Variants in GOLT1B observed in about 807,000 individuals in gnomAD.
GOLT1B encodes vesicle transport protein GOT1B.
In GOLT1B, 3 loss-of-function variants were observed where a neutral mutation model predicts 15.4. The observed-to-expected ratio is 0.19, with a 90% CI of 0.09 to 0.50. The LOEUF is 0.50. Ranked by LOEUF, GOLT1B falls within the 20% of genes least tolerant of loss-of-function variation. GOLT1B has a pLI of 0.97. For missense variants in GOLT1B, 145 were observed against 160.4 expected, an observed-to-expected ratio of 0.90 and a Z score of 0.52; for synonymous variants, 65 against 56.2, an observed-to-expected ratio of 1.16 and a Z score of -0.70.
chr12:21,517,233 A>C lies in GOLT1B; in HGVS notation c.*1526A>C, dbSNP rs1433082479. 1 of 152,438 alleles carries C rather than the reference A, an allele frequency of 6.6e-6. No homozygotes were observed. Among genetic ancestry groups the C allele is most frequent in the African/African-American group, 2.4e-5 (1 of 41,434 alleles). The allele number at this position is 152,438 out of a possible 1,614,324, so 9.4% of individuals were successfully genotyped here. A position where few individuals can be genotyped will look rare whatever the true frequency, so the allele number is the denominator to read the frequency against. ...ATCTTGCTCATCTAAATAAGGAAAG[A>C]CTTGGTGTATAGTGTGATGGTTTAG... On this transcript the variant is annotated 3_prime_UTR_variant, in exon 5 of 5. Transcript: ENST00000229314.
At chr12:21,502,202 C>T (rs887751409) in intron 1 of GOLT1B, among the ~76,000 whole-genome samples, 2 of 152,126 alleles carry the variant, frequency 1.3e-5, no homozygotes, top group African/African-American at 4.8e-5. Context: ...GAGCTTTAGC[C>T]CAGAGTCTGT....
intron 4 of GOLT1B, among the ~76,000 whole-genome samples, 161 bp from the exon 5 acceptor site, chr12:21,515,508 T>G (rs376149932): frequency 4.6e-5 from 7 of 152,144 alleles, no homozygotes; most frequent in African/African-American, 1.4e-4. Flanking sequence ...TATCAGAAGA[T>G]GATGGTGAGT....
chr12:21,511,642 AG>A (rs1943720886), intron 3 of GOLT1B, among the ~76,000 whole-genome samples: 1 of 152,252 alleles, frequency 6.6e-6, no homozygotes, highest in Non-Finnish European at 1.5e-5. Context: ...ATCACCTTGT[AG>A]AGACTCTTAA....
At chr12:21,507,421 GTTGT>G (rs1320813257) in intron 2 of GOLT1B, 2 of 212,574 alleles carry the variant, frequency 9.4e-6, no homozygotes, top group Admixed American at 5.5e-5. Context: ...AGGGATCTAT[GTTGT>G]TTATTTGGAA....
At chr12:21,515,224 CTGTT>C (rs1275955511) in intron 4 of GOLT1B, 1 of 1,389,972 alleles carries the variant, frequency 7.2e-7, no homozygotes, top group Non-Finnish European at 9.8e-7. Context: ...GGAGTTAAAT[CTGTT>C]TGTCCAAAGA....
rs1001647251 is a variant in GOLT1B at position 21,515,901 on chromosome 12, TAAG to T, written c.*201_*203del. The T allele has an allele frequency of 8.4e-5, 38 of 453,256 alleles. No individual in the cohort carries two copies. Among genetic ancestry groups the T allele is most frequent in the Non-Finnish European group, 1.1e-4 (29 of 260,666 alleles). The allele number at this position is 453,256 out of a possible 1,614,324, so 28.1% of individuals were successfully genotyped here. ...AAAACAGGCTTCTACTCAAGTGAAC[TAAG>T]AAGAAGTCAGCAAGCAAACTGAGAG... On this transcript the variant is annotated 3_prime_UTR_variant, in exon 5 of 5. Transcript: ENST00000229314.
chr12:21,511,272 A>G (rs2080103), intron 3 of GOLT1B, among the ~76,000 whole-genome samples: 4,117 of 152,244 alleles, frequency 0.027, 68 homozygotes, highest in Middle Eastern at 0.048. Flanking sequence ...AAAGGATATT[A>G]CAAAGGATAC....
intron 1 of GOLT1B, among the ~76,000 whole-genome samples, chr12:21,506,336 A>G (rs1943678469): frequency 1.3e-5 from 2 of 152,000 alleles, no homozygotes; most frequent in African/African-American, 4.8e-5. Flanking sequence ...TGGTACCATG[A>G]TTTTCGAAAT....
At chr12:21,504,877 C>T (rs1332193610) in intron 1 of GOLT1B, among the ~76,000 whole-genome samples, 1 of 152,126 alleles carries the variant, frequency 6.6e-6, no homozygotes, top group Non-Finnish European at 1.5e-5. Flanking sequence ...CTAAAAGATG[C>T]GTCCCCCAGA....
Position 21,508,407 on chromosome 12 carries a change from T to C in GOLT1B, c.142T>C (p.Phe48Leu). 6.3e-7 allele frequency: 1 copy of C among 1,578,542 alleles called. No individual in the cohort carries two copies. Among genetic ancestry groups the C allele is most frequent in the Non-Finnish European group, 8.6e-7 (1 of 1,163,614 alleles). The change falls in exon 3 of 5, where the codon TTT becomes CTT. Residue 48 changes from phenylalanine (F) to leucine (L), a missense_variant. Transcript: ENST00000229314. ...GGTTTTATTTGTAGCCGGCTTGGCT[T>C]TTGTAATTGGTTTAGAAAGAACATT... ...GNVLFVAGLAFVIGLERTFRF... is the reference protein window; with the variant it reads ...GNVLFVAGLALVIGLERTFRF...
intron 1 of GOLT1B, chr12:21,504,611 A>C: frequency 2.0e-6 from 1 of 504,732 alleles, no homozygotes; most frequent in South Asian, 1.5e-5. Flanking sequence ...ACCAGCACCC[A>C]CACACACATT....
chr12:21,501,832 C>A lies in GOLT1B; in HGVS notation c.-92C>A. 1.1e-6 allele frequency: 1 copy of A among 886,438 alleles called. No individual in the cohort carries two copies. Among genetic ancestry groups the A allele is most frequent in the Non-Finnish European group, 1.9e-6 (1 of 532,886 alleles). The allele number at this position is 886,438 out of a possible 1,614,324, so 54.9% of individuals were successfully genotyped here. A position where few individuals can be genotyped will look rare whatever the true frequency, so the allele number is the denominator to read the frequency against. The stretch of plus-strand genomic sequence containing the variant: ...TTTCCGGAAGACGTGGCGGCTCTCG[C>A]CTGGGCTGTTTCCCGGCTTCATTTC... On this transcript the variant is annotated 5_prime_UTR_variant, in exon 1 of 5. Coordinates refer to ENST00000229314, the MANE Select transcript of GOLT1B (RefSeq NM_016072.5).
Position 21,512,314 on chromosome 12 carries a change from G to T in GOLT1B, c.316G>T (p.Val106Phe), listed in dbSNP as rs1401468123. 1 of 1,567,414 alleles carries T rather than the reference G, an allele frequency of 6.4e-7. No individual in the cohort carries two copies. Among genetic ancestry groups the T allele is most frequent in the South Asian group, 1.1e-5 (1 of 89,508 alleles). The stretch of plus-strand genomic sequence containing the variant: ...TCCCAGGGGCTTCTTTCCTGTCGTT[G>T]TTGGCTTTATTAGAAGAGTGCCAGT... ...LLFRGFFPVV[V>F]GFIRRVPVLG... Residue 106 changes from valine (V) to phenylalanine (F), a missense_variant, in exon 4 of 5, where the codon GTT (valine) becomes TTT (phenylalanine). By Grantham distance (50) the Val-to-Phe change is conservative. Transcript: ENST00000229314.
chr12:21,514,759 C>T (rs1943743858), intron 4 of GOLT1B, among the ~76,000 whole-genome samples: 1 of 152,046 alleles, frequency 6.6e-6, no homozygotes, highest in Non-Finnish European at 1.5e-5. Flanking sequence ...ATTATTTGTG[C>T]CCTTAATTTA....
intron 2 of GOLT1B, 55 bp from the exon 3 acceptor site, chr12:21,508,328 A>G (rs1419959382): frequency 9.5e-7 from 1 of 1,053,466 alleles, no homozygotes; most frequent in Non-Finnish European, 1.4e-6. Context: ...TACGTTTAAA[A>G]TTTATGCATT....
chr12:21,508,457 A>C lies in GOLT1B; in HGVS notation c.192A>C (p.Lys64Asn), dbSNP rs751366542. 3 of 1,595,200 alleles carry C rather than the reference A, an allele frequency of 1.9e-6. No homozygotes were observed. The Admixed American group carries it at 5.0e-5, about 27-fold the overall frequency. The change falls in exon 3 of 5, where the codon AAA becomes AAC. Residue 64 changes from lysine to asparagine, a missense_variant. Coordinates refer to ENST00000229314, the MANE Select transcript of GOLT1B (RefSeq NM_016072.5). ...TCAGATTCTTCTTCCAAAAACATAAAATGAAAGCTACAGGTTTTTTTCTGG... is the reference window on the plus strand; with the variant it reads ...TCAGATTCTTCTTCCAAAAACATAACATGAAAGCTACAGGTTTTTTTCTGG... ...RTFRFFFQKH[K>N]MKATGFFLGG... is the part of the protein sequence containing the mutation.
Position 21,516,043 on chromosome 12 carries a change from C to T in GOLT1B, c.*336C>T. 4.9e-6 allele frequency: 1 copy of T among 203,256 alleles called. No homozygotes were observed. Among genetic ancestry groups the T allele is most frequent in the South Asian group, 1.4e-4 (1 of 7,098 alleles). The allele number at this position is 203,256 out of a possible 1,614,324, so 12.6% of individuals were successfully genotyped here. A position where few individuals can be genotyped will look rare whatever the true frequency, so the allele number is the denominator to read the frequency against. On this transcript the variant is annotated 3_prime_UTR_variant, in exon 5 of 5. Coordinates refer to ENST00000229314, the MANE Select transcript of GOLT1B (RefSeq NM_016072.5). Reference sequence around the variant, plus strand: ...GAGAACTGTGGTGCCTGTTTCTTTTCTTTTTATTTTGAAGGCTCAGGAGCA... The same window carrying T: ...GAGAACTGTGGTGCCTGTTTCTTTTTTTTTTATTTTGAAGGCTCAGGAGCA...
chr12:21,512,436 A>G (rs1591763179), intron 4 of GOLT1B, 60 bp downstream of exon 4: 2 of 820,174 alleles, frequency 2.4e-6, no homozygotes, highest in East Asian at 4.9e-5. Context: ...TTTTACTTCT[A>G]GAAATTTGAG....
At chr12:21,508,889 G>GTAGGTAGGTAGATAGA (rs71962761) in intron 3 of GOLT1B, among the ~76,000 whole-genome samples, 1 of 65,380 alleles carries the variant, frequency 1.5e-5, no homozygotes, top group South Asian at 9.0e-4. Context: ...AGGTAGGTAG[G>GTAGGTAGGTAGATAGA]TAGATAGATA....
Sources: gnomAD v4.1 joint callset for allele counts (sites outside exome capture counted in the v4.1 genomes callset) on GRCh38, gnomAD v4.1.1 for gene constraint, MANE v1.5 for transcripts, NCBI Gene and HGNC (gene_info 2026-07-23, HGNC 2026-07-21) for gene names.